LONP1: variants seen among roughly 807,000 people sequenced by gnomAD.
LONP1 encodes the protein lon protease homolog, mitochondrial.
In LONP1, 31 loss-of-function variants were observed where a neutral mutation model predicts 98.5. The observed-to-expected ratio is 0.31, with a 90% CI of 0.24 to 0.42. LONP1 has a LOEUF of 0.42. LONP1 is among the 20% of genes least tolerant of loss of function. The probability of loss-of-function intolerance (pLI) is 1.00; values close to 1 mark genes in which losing one functional copy is unlikely to be tolerated. For missense variants in LONP1, 1,336 were observed against 1,350.6 expected, an observed-to-expected ratio of 0.99 and a Z score of 0.17; for synonymous variants, 781 against 594.7, an observed-to-expected ratio of 1.31 and a Z score of -4.56.
At chr19:5,702,044 C>T (rs573430574) in intron 8 of LONP1, among the ~76,000 whole-genome samples, 110 of 150,522 alleles carry the variant, frequency 7.3e-4, no homozygotes, top group African/African-American at 2.1e-3. Flanking sequence ...GGAGCGTCTC[C>T]GCCCAGCAGC....
At chr19:5,707,018 G>A in intron 7 of LONP1, 42 bp downstream of exon 7, 2 of 1,545,160 alleles carry the variant, frequency 1.3e-6, no homozygotes, top group South Asian at 1.1e-5. Flanking sequence ...TGGCCCGAGG[G>A]GAAGGCCCCC....
rs2055414315 is a variant in LONP1 at position 5,720,089 on chromosome 19, C to G, written c.44G>C (p.Arg15Pro). Residue 15 changes from arginine (R) to proline (P), a missense_variant, in exon 1 of 18, where the codon CGG becomes CCG. This residue lies in a region of LONP1 where 457 missense variants were observed against 403.1 expected (regional missense o/e 1.13). Coordinates refer to ENST00000360614, the MANE Select transcript of LONP1 (RefSeq NM_004793.4). ...TGYVRLWGAA[R>P]CWVLRRPMLA... ...CATCGGCCGCCGCAGCACCCAGCAC[C>G]GCGCCGCTCCCCACAGTCGCACGTA... 6.7e-7 allele frequency: 1 copy of G among 1,486,928 alleles called. No individual in the cohort carries two copies. Among genetic ancestry groups the G allele is most frequent in the African/African-American group, 1.5e-5 (1 of 67,626 alleles). The allele number at this position is 1,486,928 out of a possible 1,614,324, so 92.1% of individuals were successfully genotyped here. A position where few individuals can be genotyped will look rare whatever the true frequency, so the allele number is the denominator to read the frequency against.
chr19:5,698,700 A>G (rs995417621), intron 10 of LONP1, among the ~76,000 whole-genome samples: 4 of 152,144 alleles, frequency 2.6e-5, no homozygotes, highest in Non-Finnish European at 5.9e-5. Flanking sequence ...CAGCATCTGC[A>G]CGGCAAACGC....
rs977375145 is a variant in LONP1 at position 5,706,055 on chromosome 19, C to G, written c.1147-63G>C. On this transcript the variant is annotated intron_variant, in intron 7 of 17. Coordinates refer to ENST00000360614, the MANE Select transcript of LONP1 (RefSeq NM_004793.4). ...GGAAGCTGGGTGGGTGGGTGCGTCC[C>G]CAGACGAAGGGGGACCCTCTGCTCC... 3 of 1,137,822 alleles carry G rather than the reference C, an allele frequency of 2.6e-6. No individual in the cohort carries two copies. The African/African-American group carries it at 4.6e-5, about 17-fold the overall frequency. 70.5% of individuals were successfully genotyped at this position (1,137,822 alleles called of 1,614,324 possible).
intron 14 of LONP1, 99 bp downstream of exon 14, chr19:5,694,662 G>GGCGCGGGGTGGTGGGGTGATGA: frequency 6.4e-7 from 1 of 1,562,890 alleles, no homozygotes; most frequent in Non-Finnish European, 8.7e-7. Flanking sequence ...TGGGGTGATG[G>GGCGCGGGGTGGTGGGGTGATGA]GCGCAGGAAA....
chr19:5,709,737 G>T (rs1379716231), intron 4 of LONP1, among the ~76,000 whole-genome samples: 2 of 151,586 alleles, frequency 1.3e-5, no homozygotes, highest in African/African-American at 2.4e-5. Context: ...GTGAAACCCC[G>T]TCTCTACTAA....
chr19:5,697,505 G>A (rs1255717380), intron 10 of LONP1, among the ~76,000 whole-genome samples: 1 of 147,248 alleles, frequency 6.8e-6, no homozygotes, highest in Non-Finnish European at 1.5e-5. Context: ...GCAGAGGGAG[G>A]AGGGGGGGAG....
chr19:5,694,718 T>G, intron 14 of LONP1, 43 bp downstream of exon 14: 1 of 1,579,510 alleles, frequency 6.3e-7, no homozygotes, highest in Non-Finnish European at 8.7e-7. Context: ...CGTGGGATGG[T>G]GAGGTGGGCG....
intron 9 of LONP1, 40 bp from the exon 10 acceptor site, chr19:5,699,245 G>A: frequency 6.9e-7 from 1 of 1,457,572 alleles, no homozygotes; most frequent in Non-Finnish European, 9.1e-7. Flanking sequence ...GTGAGCTGGG[G>A]AAGCCGGGGA....
intron 8 of LONP1, among the ~76,000 whole-genome samples, chr19:5,702,924 G>A (rs1229878562): frequency 1.3e-5 from 2 of 149,410 alleles, no homozygotes; most frequent in African/African-American, 5.0e-5. Context: ...AGAGACCCTT[G>A]TTCACTTGTT....
At chr19:5,716,253 A>AATATAC (rs1437745148) in intron 1 of LONP1, among the ~76,000 whole-genome samples, 1 of 71,730 alleles carries the variant, frequency 1.4e-5, no homozygotes, top group Admixed American at 1.7e-4. Flanking sequence ...ATAAAGTTAA[A>AATATAC]ATATACATAT....
At chr19:5,716,434 G>T (rs186030501) in intron 1 of LONP1, among the ~76,000 whole-genome samples, 1,601 of 151,054 alleles carry the variant, frequency 0.011, 13 homozygotes, top group Non-Finnish European at 0.018. Flanking sequence ...AAACAAAAGA[G>T]CATCACATGA....
chr19:5,699,485 T>A (rs1442867444), intron 9 of LONP1, among the ~76,000 whole-genome samples: 1 of 151,510 alleles, frequency 6.6e-6, no homozygotes, highest in African/African-American at 2.4e-5. Context: ...CCCGGGACCC[T>A]GAAGACCGCA....
intron 4 of LONP1, among the ~76,000 whole-genome samples, chr19:5,709,656 C>T (rs932770409): frequency 3.9e-5 from 6 of 151,972 alleles, no homozygotes; most frequent in Non-Finnish European, 8.8e-5. Flanking sequence ...ACGCCTGTAA[C>T]CCCAGCACTT....
At chr19:5,712,155 G>A (rs1384852229) in intron 3 of LONP1, 153 bp from the exon 4 acceptor site, 12 of 614,118 alleles carry the variant, frequency 2.0e-5, no homozygotes, top group African/African-American at 3.7e-5. Flanking sequence ...AGCTGGAGAC[G>A]TGAGCCGCTT....
chr19:5,703,526 C>A (rs368310077), intron 8 of LONP1, among the ~76,000 whole-genome samples: 5 of 151,980 alleles, frequency 3.3e-5, no homozygotes, highest in African/African-American at 1.2e-4. Context: ...CAAGAGCACA[C>A]GGCAGGATTG....
chr19:5,699,155 G>A lies in LONP1; in HGVS notation c.1557C>T (p.Leu519=), dbSNP rs1300663515. The change falls in exon 10 of 18, where the codon CTC becomes CTT. Residue 519 remains leucine (L), a synonymous_variant. Transcript: ENST00000360614. Reference sequence around the variant, plus strand: ...CCACGCCAGGGGGGCCATAGAAGCAGAGGATCTTGCCCTGGGTGGAGCCGC... The same window carrying A: ...CCACGCCAGGGGGGCCATAGAAGCAAAGGATCTTGCCCTGGGTGGAGCCGC... The part of the protein sequence containing the change: ...QLRGSTQGKI[L]CFYGPPGVGK... The A allele has an allele frequency of 1.9e-6, 3 of 1,554,064 alleles. No individual in the cohort carries two copies. Among genetic ancestry groups the A allele is most frequent in the Non-Finnish European group, 1.8e-6 (2 of 1,142,598 alleles).
chr19:5,693,129 G>A (rs1403303934), intron 17 of LONP1, among the ~76,000 whole-genome samples, 169 bp downstream of exon 17: 4 of 152,204 alleles, frequency 2.6e-5, no homozygotes, highest in African/African-American at 4.8e-5. Context: ...TGTGGAGAAG[G>A]CAGCTAGGGC....
intron 13 of LONP1, 94 bp downstream of exon 13, chr19:5,695,960 G>C: frequency 8.9e-7 from 1 of 1,119,362 alleles, no homozygotes; most frequent in Non-Finnish European, 1.3e-6. Flanking sequence ...GTCTCTCCCG[G>C]GCCCAGGAGC....
Sources: allele counts gnomAD v4.1 joint callset (sites outside exome capture counted in the v4.1 genomes callset), GRCh38; gene constraint gnomAD v4.1.1; regional missense constraint gnomAD v4.1.1; transcripts MANE v1.5; gene names NCBI Gene and HGNC (gene_info 2026-07-23, HGNC 2026-07-21).